PTGER3: variants seen among roughly 807,000 people sequenced by gnomAD.
The protein encoded by PTGER3 is prostaglandin E2 receptor EP3 subtype.
Under a neutral mutation model 34.7 loss-of-function variants are expected in PTGER3, and 22 were observed. The observed-to-expected ratio is 0.63, with a 90% CI of 0.45 to 0.91. The LOEUF is 0.91. Ranked by LOEUF, PTGER3 falls within the 40% of genes least tolerant of loss-of-function variation. The pLI is 0.00. For synonymous variants in PTGER3, 241 were observed against 230.1 expected (o/e 1.05, Z -0.43); for missense variants, 468 against 519.4 (o/e 0.90, Z 0.96).
intron 2 of PTGER3, among the ~76,000 whole-genome samples, chr1:70,990,136 G>A (rs1655300688): frequency 2.0e-5 from 3 of 151,708 alleles, no homozygotes; most frequent in South Asian, 4.2e-4. Context: ...GGCGGATCAC[G>A]AGGTCAGGAG....
At chr1:71,042,084 A>G (rs1369791005) in intron 1 of PTGER3, among the ~76,000 whole-genome samples, 1 of 152,130 alleles carries the variant, frequency 6.6e-6, no homozygotes, top group Non-Finnish European at 1.5e-5. Flanking sequence ...CAATTATATT[A>G]CAACTTCAGA....
chr1:70,904,058 G>A (rs1177391592), intron 4 of PTGER3, among the ~76,000 whole-genome samples: 1 of 151,620 alleles, frequency 6.6e-6, no homozygotes, highest in East Asian at 2.0e-4. Flanking sequence ...CATTGTTCCT[G>A]TGATAGTGAA....
intron 4 of PTGER3, among the ~76,000 whole-genome samples, chr1:70,912,223 A>G (rs1647076396): frequency 6.6e-6 from 1 of 152,214 alleles, no homozygotes; most frequent in Non-Finnish European, 1.5e-5. Flanking sequence ...CTCTGATTGC[A>G]GGATCTAGGA....
At chr1:70,942,650 C>T (rs1489874579) in intron 4 of PTGER3, among the ~76,000 whole-genome samples, 1 of 152,180 alleles carries the variant, frequency 6.6e-6, no homozygotes, top group Non-Finnish European at 1.5e-5. Flanking sequence ...AGCGCCCTCA[C>T]CCCACCATTT....
At chr1:70,955,486 G>C (rs566737874) in intron 2 of PTGER3, among the ~76,000 whole-genome samples, 1 of 152,194 alleles carries the variant, frequency 6.6e-6, no homozygotes, top group African/African-American at 2.4e-5. Flanking sequence ...AAACAGAGAA[G>C]AAAGATGGAG....
chr1:70,899,064 G>A (rs889990496), intron 4 of PTGER3, among the ~76,000 whole-genome samples: 3 of 152,172 alleles, frequency 2.0e-5, no homozygotes, highest in Non-Finnish European at 2.9e-5. Context: ...TAAAAGGAAA[G>A]GATTGGATTT....
At chr1:70,904,915 C>G (rs2100355913) in intron 4 of PTGER3, among the ~76,000 whole-genome samples, 1 of 152,296 alleles carries the variant, frequency 6.6e-6, no homozygotes, top group East Asian at 1.9e-4. Context: ...GAGGTCTTCA[C>G]AGCAGCCCCT....
At chr1:70,883,945 C>G (rs1241705382) in intron 4 of PTGER3, 2 of 243,490 alleles carry the variant, frequency 8.2e-6, no homozygotes, top group Non-Finnish European at 1.7e-5. Flanking sequence ...GCCTGCAATT[C>G]CAGCTACTTG....
At chr1:70,864,066 A>T (rs1645988490) in intron 4 of PTGER3, among the ~76,000 whole-genome samples, 1 of 152,186 alleles carries the variant, frequency 6.6e-6, no homozygotes, top group Non-Finnish European at 1.5e-5. Context: ...ATCCAGACAC[A>T]GGGAACTAAA....
At chr1:71,042,519 A>T (rs140859686) in intron 1 of PTGER3, among the ~76,000 whole-genome samples, 2 of 152,010 alleles carry the variant, frequency 1.3e-5, no homozygotes, top group Non-Finnish European at 2.9e-5. Flanking sequence ...TATTTTGTTG[A>T]CCTTCACACC....
intron 1 of PTGER3, among the ~76,000 whole-genome samples, chr1:71,029,792 G>A (rs937013685): frequency 1.1e-4 from 16 of 151,884 alleles, no homozygotes; most frequent in African/African-American, 3.9e-4. Flanking sequence ...TGGGTGTGTT[G>A]GTGCACACCT....
At chr1:70,873,702 C>T (rs1646214029) in intron 4 of PTGER3, among the ~76,000 whole-genome samples, 1 of 148,944 alleles carries the variant, frequency 6.7e-6, no homozygotes, top group Admixed American at 6.7e-5. Flanking sequence ...GGCTGGAGTG[C>T]AATGGCACTA....
In PTGER3 at chr1:70,861,605, A is replaced by G. The variant is rs1244400824; in HGVS notation, c.*24-8746T>C. On this transcript the variant is annotated intron_variant, in intron 4 of 4. Transcript: ENST00000370931. ...AATCATTGTGTGTCAATCAAACATAAATAAAACTTAAAGAGAAAAGAATCC... is the reference window on the plus strand; with the variant it reads ...AATCATTGTGTGTCAATCAAACATAGATAAAACTTAAAGAGAAAAGAATCC... Among the ~76,000 whole-genome samples the G allele has an allele frequency of 3.3e-5, 5 of 152,034 alleles. No individual in the cohort carries two copies. The East Asian group carries it at 9.6e-4, about 29-fold the overall frequency.
intron 1 of PTGER3, among the ~76,000 whole-genome samples, chr1:71,016,108 T>G (rs904412560): frequency 1.4e-4 from 22 of 152,202 alleles, no homozygotes; most frequent in Non-Finnish European, 2.5e-4. Flanking sequence ...AATATTTTTA[T>G]TTTTTGTAGT....
chr1:71,004,762 T>G (rs1394533235), intron 2 of PTGER3, among the ~76,000 whole-genome samples: 1 of 152,196 alleles, frequency 6.6e-6, no homozygotes, highest in Non-Finnish European at 1.5e-5. Flanking sequence ...TAAGAAATTG[T>G]GCCTAATCAT....
At chr1:70,972,033 A>T (rs754730528) in intron 3 of PTGER3, among the ~76,000 whole-genome samples, 4 of 152,198 alleles carry the variant, frequency 2.6e-5, no homozygotes, top group Admixed American at 6.5e-5. Context: ...TTTCCTATCA[A>T]AACATCAAAG....
At chr1:71,009,574 TA>T in intron 2 of PTGER3, 4 of 985,066 alleles carry the variant, frequency 4.1e-6, no homozygotes, top group Non-Finnish European at 4.8e-6. Context: ...CTCAGCATAG[TA>T]TATAAATTCA....
intron 4 of PTGER3, among the ~76,000 whole-genome samples, chr1:70,905,255 T>G (rs1335837603): frequency 2.0e-5 from 3 of 151,554 alleles, no homozygotes; most frequent in African/African-American, 7.3e-5. Flanking sequence ...TGGACAACCT[T>G]CTGCAGTGCA....
intron 4 of PTGER3, among the ~76,000 whole-genome samples, chr1:70,927,448 TA>T (rs1341951448): frequency 1.3e-5 from 2 of 152,164 alleles, no homozygotes; most frequent in East Asian, 3.9e-4. Context: ...GAGAAGACAG[TA>T]AAAAAGAAAG....
Sources: gnomAD v4.1 joint callset for allele counts (sites outside exome capture counted in the v4.1 genomes callset) on GRCh38, gnomAD v4.1.1 for gene constraint, MANE v1.5 for transcripts, NCBI Gene and HGNC (gene_info 2026-07-23, HGNC 2026-07-21) for gene names.